GSTCD: variants seen among roughly 807,000 people sequenced by gnomAD.
GSTCD encodes the protein glutathione S-transferase C-terminal domain-containing protein.
In GSTCD, 44 loss-of-function variants were observed where a neutral mutation model predicts 68.3. The observed-to-expected ratio is 0.64, with a 90% CI of 0.51 to 0.83. The LOEUF is 0.83. Ranked by LOEUF, GSTCD falls within the 40% of genes least tolerant of loss-of-function variation. The pLI is 0.00. For synonymous variants in GSTCD, 273 were observed against 255.2 expected, an observed-to-expected ratio of 1.07 and a Z score of -0.67; for missense variants, 739 against 735.9, an observed-to-expected ratio of 1.00 and a Z score of -0.05.
At chr4:105,841,687 A>C (rs1724345269) in intron 10 of GSTCD, among the ~76,000 whole-genome samples, 1 of 150,298 alleles carries the variant, frequency 6.7e-6, no homozygotes, top group South Asian at 2.1e-4. Context: ...AAAAAAATAC[A>C]AAAAATACAA....
At position 105,765,411 on chromosome 4, in the gene GSTCD, T is replaced by A. The variant is rs1578451344; in HGVS notation, c.1240+35912T>A. Among the ~76,000 whole-genome samples, 3 of 152,318 alleles carry A rather than the reference T, an allele frequency of 2.0e-5. No homozygotes were observed. The East Asian group carries it at 5.8e-4, about 29-fold the overall frequency. ...TTGTTGACCACTCTCAAGCACTCAATGACTGGAAGAAAACTCTCTAGAAAG... is the reference window on the plus strand; with the variant it reads ...TTGTTGACCACTCTCAAGCACTCAAAGACTGGAAGAAAACTCTCTAGAAAG... On this transcript the variant is annotated intron_variant, in intron 5 of 11. Coordinates refer to ENST00000515279, the MANE Select transcript of GSTCD (RefSeq NM_001370181.1).
chr4:105,715,311 A>C (rs879901880), intron 1 of GSTCD, among the ~76,000 whole-genome samples: 18 of 152,050 alleles, frequency 1.2e-4, no homozygotes, highest in Admixed American at 1.0e-3. Context: ...TTATAAAAAA[A>C]CTCTTTGAAC....
intron 5 of GSTCD, among the ~76,000 whole-genome samples, chr4:105,769,369 G>A (rs867215669): frequency 1.4e-4 from 21 of 151,950 alleles, no homozygotes; most frequent in Non-Finnish European, 2.9e-4. Flanking sequence ...GCTGATAAAG[G>A]AAGCAGCTAG....
rs985261286 is a variant in GSTCD, at chr4:105,726,581, A to C, written c.897A>C (p.Val299=). Residue 299 remains valine (V), a splice_region_variant and synonymous_variant, in exon 4 of 12, where the codon GTA becomes GTC. Coordinates refer to ENST00000515279, the MANE Select transcript of GSTCD (RefSeq NM_001370181.1). ...TGTTTTATTATTTTCCTACCTAGGT[A>C]ATTATCAGCAGGAAATTTTCTGAGA... ...VLLPCIHHFL[V]IISRKFSEKL... is the part of the protein sequence containing the mutation. 8 of 1,568,278 alleles carry C rather than the reference A, an allele frequency of 5.1e-6. No individual in the cohort carries two copies. Among genetic ancestry groups the C allele is most frequent in the Non-Finnish European group, 6.9e-6 (8 of 1,151,812 alleles).
intron 8 of GSTCD, among the ~76,000 whole-genome samples, chr4:105,829,956 A>C (rs1166834017): frequency 1.3e-5 from 2 of 152,156 alleles, no homozygotes; most frequent in Admixed American, 1.3e-4. Context: ...CACTTGAAAA[A>C]AATAGAACTT....
At chr4:105,828,921 A>G (rs1723779471) in intron 8 of GSTCD, among the ~76,000 whole-genome samples, 2 of 152,214 alleles carry the variant, frequency 1.3e-5, no homozygotes, top group African/African-American at 2.4e-5. Context: ...CAGGAAGTTT[A>G]TTCTGTAGAA....
intron 5 of GSTCD, among the ~76,000 whole-genome samples, chr4:105,798,384 T>C (rs1481952097): frequency 6.6e-6 from 1 of 151,940 alleles, no homozygotes; most frequent in Non-Finnish European, 1.5e-5. Flanking sequence ...GAATTATGAA[T>C]GTTCTGAACG....
At chr4:105,815,371 GAGATTTAATAACAGACAT>G (rs1163175733) in intron 5 of GSTCD, 2 of 152,136 alleles carry the variant, frequency 1.3e-5, no homozygotes, top group African/African-American at 2.4e-5. Context: ...TCATGAAGCT[GAGATTTAATAACAGACAT>G]AGATGCCACC....
At chr4:105,819,943 A>G (rs1288932661) in intron 5 of GSTCD, among the ~76,000 whole-genome samples, 2 of 151,916 alleles carry the variant, frequency 1.3e-5, no homozygotes, top group East Asian at 3.9e-4. Flanking sequence ...TTTGAAAACA[A>G]AACAGCAAAA....
At chr4:105,799,590 CACA>C (rs753724650) in intron 5 of GSTCD, among the ~76,000 whole-genome samples, 4 of 152,090 alleles carry the variant, frequency 2.6e-5, no homozygotes, top group Non-Finnish European at 4.4e-5. Flanking sequence ...TGAGAACACA[CACA>C]ACATTTATTG....
intron 5 of GSTCD, among the ~76,000 whole-genome samples, chr4:105,734,671 CTT>C (rs1733391603): frequency 2.0e-5 from 3 of 152,200 alleles, no homozygotes; most frequent in African/African-American, 4.8e-5. Context: ...AAGCCTTCTT[CTT>C]TCAACTCGTC....
At chr4:105,842,761 A>C (rs1724407424) in intron 11 of GSTCD, among the ~76,000 whole-genome samples, 1 of 152,238 alleles carries the variant, frequency 6.6e-6, no homozygotes, top group Non-Finnish European at 1.5e-5. Flanking sequence ...AAATTCTTAC[A>C]AATATACATA....
chr4:105,794,283 A>C (rs1386226554), intron 5 of GSTCD, among the ~76,000 whole-genome samples: 5 of 152,084 alleles, frequency 3.3e-5, no homozygotes, highest in Admixed American at 2.6e-4. Context: ...GGTGGAGCAC[A>C]GAGGATATTT....
intron 5 of GSTCD, among the ~76,000 whole-genome samples, chr4:105,760,152 G>GA (rs551816309): frequency 7.7e-4 from 67 of 87,322 alleles, no homozygotes; most frequent in South Asian, 4.0e-3. Flanking sequence ...TAAGATTTGA[G>GA]AAAAAAAAAA....
chr4:105,722,611 AAGG>A (rs2149207592), intron 3 of GSTCD, among the ~76,000 whole-genome samples: 1 of 152,188 alleles, frequency 6.6e-6, no homozygotes, highest in South Asian at 2.1e-4. Flanking sequence ...AAGGAATGCA[AAGG>A]AGGAGATATT....
At chr4:105,726,313 C>T (rs1443620846) in intron 3 of GSTCD, among the ~76,000 whole-genome samples, 1 of 151,994 alleles carries the variant, frequency 6.6e-6, no homozygotes, top group African/African-American at 2.4e-5. Context: ...CTAGAAAAGG[C>T]AAAATTGTAA....
chr4:105,729,529 T>C (rs777293911), intron 5 of GSTCD, 30 bp downstream of exon 5: 1 of 1,449,810 alleles, frequency 6.9e-7, no homozygotes, highest in Non-Finnish European at 9.7e-7. Flanking sequence ...TAAGTTTTAT[T>C]CATACTTTGG....
intron 5 of GSTCD, among the ~76,000 whole-genome samples, chr4:105,754,171 A>T (rs991392946): frequency 5.9e-5 from 9 of 152,138 alleles, no homozygotes; most frequent in Non-Finnish European, 1.2e-4. Context: ...AGCTCCTCTT[A>T]GCACCCAAGC....
At chr4:105,760,167 CAAA>C (rs34613169) in intron 5 of GSTCD, among the ~76,000 whole-genome samples, 22 of 135,870 alleles carry the variant, frequency 1.6e-4, no homozygotes, top group African/African-American at 5.5e-4. Flanking sequence ...AAAAAATAGG[CAAA>C]AAAAAAAAAA....
Sources: gnomAD v4.1 joint callset for allele counts (sites outside exome capture counted in the v4.1 genomes callset) on GRCh38, gnomAD v4.1.1 for gene constraint, MANE v1.5 for transcripts, NCBI Gene and HGNC (gene_info 2026-07-23, HGNC 2026-07-21) for gene names.